POLK: variants seen among roughly 807,000 people sequenced by gnomAD.
POLK encodes polymerase (DNA directed) kappa.
A neutral mutation model predicts 94.0 loss-of-function variants in POLK; 76 were observed. That is an observed-to-expected ratio of 0.81 (90% CI 0.67 to 0.98). The LOEUF (loss-of-function observed/expected upper bound fraction) is 0.98, where lower values mean the gene tolerates loss of function less well. POLK is among the 50% of genes least tolerant of loss of function. The pLI is 0.00. For missense variants in POLK, 954 were observed against 1,010.1 expected (o/e 0.94, Z 0.75); for synonymous variants, 349 against 325.4 (o/e 1.07, Z -0.78).
At chr5:75,586,820 T>C (rs548237012) in intron 9 of POLK, among the ~76,000 whole-genome samples, 4 of 152,196 alleles carry the variant, frequency 2.6e-5, no homozygotes, top group African/African-American at 9.6e-5. Context: ...TCAATAGATA[T>C]AGACTTGATT....
At chr5:75,609,822 G>C in the POLK span, 3 of 152,042 alleles carry the variant, frequency 2.0e-5, no homozygotes, top group African/African-American at 7.3e-5. Context: ...TTTTTTCATT[G>C]ATTAGGAAAC....
intron 3 of POLK, among the ~76,000 whole-genome samples, chr5:75,556,441 A>G (rs141936144): frequency 1.4e-3 from 220 of 152,300 alleles, no homozygotes; most frequent in Non-Finnish European, 2.5e-3. Context: ...TTTTGCAAAT[A>G]TTGTTTCCCA....
At chr5:75,609,304 C>T in the POLK span, 4 of 151,756 alleles carry the variant, frequency 2.6e-5, no homozygotes, top group Non-Finnish European at 4.4e-5. Context: ...GGCTCTATCA[C>T]GCAGACTGGC....
At chr5:75,593,037 T>G (rs1772872519) in intron 11 of POLK, among the ~76,000 whole-genome samples, 1 of 152,192 alleles carries the variant, frequency 6.6e-6, no homozygotes, top group African/African-American at 2.4e-5. Context: ...GCCTGGGCAA[T>G]AGAATGGGAC....
At chr5:75,573,443 A>G (rs966788430) in intron 4 of POLK, among the ~76,000 whole-genome samples, 3 of 152,170 alleles carry the variant, frequency 2.0e-5, no homozygotes, top group Non-Finnish European at 4.4e-5. Flanking sequence ...CAGCACACCA[A>G]CATGGCACAT....
intron 3 of POLK, among the ~76,000 whole-genome samples, chr5:75,566,130 C>G (rs1362892637): frequency 1.3e-5 from 2 of 152,164 alleles, no homozygotes; most frequent in African/African-American, 2.4e-5. Flanking sequence ...TGGGTTCCAC[C>G]CAGTTCGAAC....
chr5:75,559,130 T>C (rs1416304643), intron 3 of POLK, among the ~76,000 whole-genome samples: 4 of 152,206 alleles, frequency 2.6e-5, no homozygotes. Context: ...TGAGGAAGTT[T>C]AAGGAGTCAA....
At chr5:75,525,719 GA>G (rs887978593) in intron 1 of POLK, among the ~76,000 whole-genome samples, 5 of 152,136 alleles carry the variant, frequency 3.3e-5, no homozygotes, top group Admixed American at 6.5e-5. Context: ...ATGGAGTCTA[GA>G]AAACAATGGA....
chr5:75,511,619 G>T, upstream of POLK: 2 of 1,476,150 alleles, frequency 1.4e-6, no homozygotes, highest in Non-Finnish European at 1.8e-6. Flanking sequence ...TTCCTGCCTG[G>T]CCCACTATTT....
At chr5:75,601,264 C>T (rs1342113256), downstream of POLK, 1 of 152,018 alleles carries the variant, frequency 6.6e-6, no homozygotes, top group Admixed American at 6.6e-5. Context: ...AAGAGCCATC[C>T]CATGCAAAAT....
rs766268321 is a variant in POLK at position 75,597,729 on chromosome 5, ACTTT to A, written c.2486-12_2486-9del. 2.8e-6 allele frequency: 4 copies of A among 1,405,460 alleles called. No individual in the cohort carries two copies. The highest frequency in any genetic ancestry group is 2.5e-5 in the East Asian group (1 of 40,340). The allele number at this position is 1,405,460 out of a possible 1,614,324, so 87.1% of individuals were successfully genotyped here. ...ATATTATTCATTATGGAATTTCTTG[ACTTT>A]CTTTCCTCTAAAGGTAGCTCAAGTG... On this transcript the variant is annotated splice_polypyrimidine_tract_variant and intron_variant, in intron 13 of 14. Coordinates refer to ENST00000241436, the Ensembl canonical transcript of POLK.
upstream of POLK, chr5:75,511,576 G>A (rs929698824): frequency 4.1e-6 from 6 of 1,461,130 alleles, no homozygotes; most frequent in East Asian, 1.5e-4. Context: ...GCTGAGTCCC[G>A]CGTCCACTCA....
intron 6 of POLK, among the ~76,000 whole-genome samples, chr5:75,579,928 G>T (rs1772112380): frequency 6.9e-6 from 1 of 145,890 alleles, no homozygotes; most frequent in African/African-American, 2.6e-5. Flanking sequence ...CGCGCCTGTA[G>T]TCCTAGCTAT....
Position 75,550,346 on chromosome 5 carries a change from AG to A in POLK, c.136-2124del, listed in dbSNP as rs200200272. On this transcript the variant is annotated intron_variant, in intron 2 of 14. Coordinates refer to ENST00000241436, the Ensembl canonical transcript of POLK. ...ATGACCCCAGCACTTTGGGAGGCTG[AG>A]GTGGGTGGATCACCGGAGGTCAGGA... Among the ~76,000 whole-genome samples, 256 of 152,336 alleles carry A rather than the reference AG, an allele frequency of 1.7e-3. 1 individual carries two copies. Among genetic ancestry groups the A allele is most frequent in the African/African-American group, 5.3e-3 (219 of 41,588 alleles).
chr5:75,584,180 T>C (rs898110004), intron 8 of POLK, among the ~76,000 whole-genome samples: 11 of 152,226 alleles, frequency 7.2e-5, no homozygotes, highest in African/African-American at 2.7e-4. Flanking sequence ...TGTGTCACTA[T>C]GCATATTAAT....
chr5:75,548,296 A>C (rs1770154688), intron 2 of POLK, among the ~76,000 whole-genome samples: 2 of 152,044 alleles, frequency 1.3e-5, no homozygotes, highest in South Asian at 4.1e-4. Flanking sequence ...ATACATATGC[A>C]CATTCAATAA....
intron 4 of POLK, among the ~76,000 whole-genome samples, chr5:75,571,213 C>G (rs1218059105): frequency 6.6e-6 from 1 of 151,990 alleles, no homozygotes; most frequent in Non-Finnish European, 1.5e-5. Flanking sequence ...AATAGTTTTC[C>G]CTTCTACTAA....
upstream of POLK, chr5:75,511,022 C>G: frequency 7.0e-7 from 1 of 1,429,476 alleles, no homozygotes. Flanking sequence ...ACGTTCCGCG[C>G]CTCCCGCCAG....
chr5:75,584,030 T>C (rs1201801188), intron 8 of POLK, among the ~76,000 whole-genome samples: 1 of 152,182 alleles, frequency 6.6e-6, no homozygotes, highest in Non-Finnish European at 1.5e-5. Flanking sequence ...CAATGCTCAG[T>C]ATGTAATATG....
Sources: gnomAD v4.1 joint callset for allele counts (sites outside exome capture counted in the v4.1 genomes callset) on GRCh38, gnomAD v4.1.1 for gene constraint, MANE v1.5 for transcripts, NCBI Gene and HGNC (gene_info 2026-07-23, HGNC 2026-07-21) for gene names.